CSPP1: variants seen among roughly 807,000 people sequenced by gnomAD.
The protein encoded by CSPP1 is centrosome and spindle pole-associated protein 1.
In CSPP1, 126 loss-of-function variants were observed where a neutral mutation model predicts 164.4. The ratio of observed to expected loss-of-function variants is 0.77; its 90% confidence interval spans 0.66 to 0.89. The LOEUF (loss-of-function observed/expected upper bound fraction) is 0.89. Among genes scored for constraint, CSPP1 ranks in the 40% least tolerant of loss-of-function variants. The probability of loss-of-function intolerance (pLI) is 0.00; values close to 1 mark genes in which losing one functional copy is unlikely to be tolerated. For missense variants in CSPP1, 1,395 were observed against 1,449.8 expected, an observed-to-expected ratio of 0.96 and a Z score of 0.61; for synonymous variants, 472 against 476.7, an observed-to-expected ratio of 0.99 and a Z score of 0.13.
chr8:67,066,209 T>C (rs1434655348), intron 1 of CSPP1, among the ~76,000 whole-genome samples: 2 of 152,184 alleles, frequency 1.3e-5, no homozygotes, highest in Non-Finnish European at 2.9e-5. Context: ...CCTCCCTCTC[T>C]TTCCCCCAGC....
intron 17 of CSPP1, among the ~76,000 whole-genome samples, chr8:67,142,545 C>G (rs781553915): frequency 6.6e-6 from 1 of 152,100 alleles, no homozygotes; most frequent in Non-Finnish European, 1.5e-5. Context: ...GAAGGTATCA[C>G]AGTTGTTTAT....
intron 26 of CSPP1, among the ~76,000 whole-genome samples, chr8:67,176,335 C>A (rs936076757): frequency 6.6e-6 from 1 of 152,112 alleles, no homozygotes; most frequent in African/African-American, 2.4e-5. Context: ...GTCTGGCTTG[C>A]AGAATCTGAG....
intron 15 of CSPP1, among the ~76,000 whole-genome samples, chr8:67,123,630 G>C (rs527736506): frequency 2.2e-4 from 31 of 142,724 alleles, no homozygotes; most frequent in Non-Finnish European, 4.2e-4. Context: ...TTTTTTAAGA[G>C]ATAGGGTCTC....
intron 24 of CSPP1, among the ~76,000 whole-genome samples, chr8:67,166,839 G>A (rs1328744939): frequency 1.3e-5 from 2 of 152,032 alleles, no homozygotes; most frequent in African/African-American, 4.8e-5. Flanking sequence ...GTGAACACAG[G>A]TCTCTGGTTT....
chr8:67,185,439 A>G (rs1272729093), intron 28 of CSPP1, among the ~76,000 whole-genome samples: 1 of 152,260 alleles, frequency 6.6e-6, no homozygotes, highest in Non-Finnish European at 1.5e-5. Context: ...ATTGAAGCAG[A>G]GGCAATGAAT....
In CSPP1 at chr8:67,190,769, A is replaced by T; in HGVS notation, c.3330+10A>T. On this transcript the variant is annotated intron_variant, in intron 29 of 30. Coordinates refer to ENST00000678616, the MANE Select transcript of CSPP1 (RefSeq NM_001382391.1). The stretch of plus-strand genomic sequence containing the variant: ...GAAAGGACTAGACATTGTATGTATG[A>T]GACTTTTCTCCCCCTTTTCAACTTA... 1 of 1,570,390 alleles carries T rather than the reference A, an allele frequency of 6.4e-7. No homozygotes were observed. The highest frequency in any genetic ancestry group is 8.8e-7 in the Non-Finnish European group (1 of 1,140,114).
At chr8:67,118,624 A>C in intron 14 of CSPP1, 119 bp from the exon 15 acceptor site, 1 of 762,638 alleles carries the variant, frequency 1.3e-6, no homozygotes, top group Non-Finnish European at 2.1e-6. Flanking sequence ...AGAAGGAAAT[A>C]TTGATGGTTT....
Position 67,066,780 on chromosome 8 carries a change from T to TTTTG in CSPP1, c.-11+2262_-11+2265dup, listed in dbSNP as rs369416645. ...ATATATACACACATATATATTTGTT[T>TTTTG]TTTGTTTGTTTGTTTGTTTGTTTTT... On this transcript the variant is annotated intron_variant, in intron 1 of 30. Coordinates refer to ENST00000678616, the MANE Select transcript of CSPP1 (RefSeq NM_001382391.1). Among the ~76,000 whole-genome samples, 1,199 of 152,084 alleles carry TTTTG rather than the reference T, an allele frequency of 7.9e-3. 11 individuals carry two copies. Among genetic ancestry groups the TTTTG allele is most frequent in the African/African-American group, 0.028 (1,148 of 41,448 alleles).
At chr8:67,193,149 C>G (rs549510847) in intron 29 of CSPP1, among the ~76,000 whole-genome samples, 1 of 152,118 alleles carries the variant, frequency 6.6e-6, no homozygotes, top group South Asian at 2.1e-4. Flanking sequence ...GAGATAGAGT[C>G]TCTGTCTCCC....
intron 3 of CSPP1, among the ~76,000 whole-genome samples, chr8:67,084,899 G>C (rs533818431): frequency 1.3e-5 from 2 of 152,178 alleles, no homozygotes; most frequent in East Asian, 3.9e-4. Context: ...TTTTATTATT[G>C]AAGGTTTGAA....
intron 16 of CSPP1, 29 bp downstream of exon 16, chr8:67,132,109 G>C (rs2129554207): frequency 1.2e-6 from 2 of 1,601,466 alleles, no homozygotes; most frequent in Middle Eastern, 1.7e-4. Flanking sequence ...ATTTACTGTT[G>C]AACCTCTTAA....
intron 9 of CSPP1, 45 bp from the exon 10 acceptor site, chr8:67,111,927 G>A (rs763249305): frequency 5.0e-6 from 6 of 1,193,880 alleles, no homozygotes; most frequent in South Asian, 1.4e-5. Flanking sequence ...AATTGCATAC[G>A]ATGCTTAAGA....
intron 7 of CSPP1, among the ~76,000 whole-genome samples, chr8:67,102,209 T>C (rs529043325): frequency 6.6e-6 from 1 of 152,360 alleles, no homozygotes; most frequent in South Asian, 2.1e-4. Flanking sequence ...GTAACATTTA[T>C]TCTTTCCTGT....
intron 16 of CSPP1, 89 bp from the exon 17 acceptor site, chr8:67,137,367 C>G (rs1329373652): frequency 2.0e-6 from 2 of 1,017,378 alleles, no homozygotes; most frequent in African/African-American, 1.7e-5. Flanking sequence ...TGCTTGTTTT[C>G]TAATACAAAA....
intron 30 of CSPP1, among the ~76,000 whole-genome samples, chr8:67,194,374 T>C (rs183453638): frequency 7.9e-5 from 12 of 152,342 alleles, no homozygotes; most frequent in Admixed American, 2.0e-4. Flanking sequence ...TGTACTCATA[T>C]ACTATCTATC....
intron 7 of CSPP1, among the ~76,000 whole-genome samples, chr8:67,099,062 A>G (rs925369553): frequency 6.6e-6 from 1 of 151,986 alleles, no homozygotes; most frequent in Non-Finnish European, 1.5e-5. Flanking sequence ...TACCTGATCA[A>G]CTAGAGTTGT....
intron 1 of CSPP1, among the ~76,000 whole-genome samples, chr8:67,066,194 C>G (rs1269004218): frequency 6.6e-6 from 1 of 152,160 alleles, no homozygotes; most frequent in African/African-American, 2.4e-5. Flanking sequence ...TATCCTGTCT[C>G]CCAGCCTCCC....
At chr8:67,194,687 T>TAA (rs546923662) in intron 30 of CSPP1, among the ~76,000 whole-genome samples, 21 of 135,616 alleles carry the variant, frequency 1.5e-4, no homozygotes, top group African/African-American at 5.3e-4. Context: ...CCAGGAGAAT[T>TAA]AAAAAAAAAA....
chr8:67,083,421 A>G (rs1809631291), intron 3 of CSPP1, among the ~76,000 whole-genome samples: 1 of 150,864 alleles, frequency 6.6e-6, no homozygotes, highest in African/African-American at 2.4e-5. Context: ...AATCCCAGCT[A>G]CTTGAGAGGC....
Sources: allele counts gnomAD v4.1 joint callset (sites outside exome capture counted in the v4.1 genomes callset), GRCh38; gene constraint gnomAD v4.1.1; transcripts MANE v1.5; gene names NCBI Gene and HGNC (gene_info 2026-07-23, HGNC 2026-07-21).